The following NBEA variants were observed in gnomAD, a reference collection of about 807,000 sequenced individuals.
The protein encoded by NBEA is neurobeachin.
NBEA carries 44 observed loss-of-function variants against 343.4 expected under a neutral mutation model. That is an observed-to-expected ratio of 0.13 (90% confidence interval 0.10 to 0.16). NBEA has a LOEUF of 0.16. NBEA is among the 10% of genes least tolerant of loss of function. The pLI, the probability that NBEA is intolerant of heterozygous loss-of-function variation, is 1.00. For synonymous variants in NBEA, 1,175 were observed against 1,238.7 expected, an observed-to-expected ratio of 0.95 and a Z score of 1.08; for missense variants, 2,555 against 3,631.3, an observed-to-expected ratio of 0.70 and a Z score of 7.62.
At chr13:35,104,773 T>C (rs1301931964) in intron 11 of NBEA, among the ~76,000 whole-genome samples, 1 of 151,992 alleles carries the variant, frequency 6.6e-6, no homozygotes, top group Non-Finnish European at 1.5e-5. Flanking sequence ...AAAAAATTTT[T>C]AGGTGTTTTT....
chr13:35,145,189 C>T (rs568235698), intron 18 of NBEA, among the ~76,000 whole-genome samples: 37 of 152,320 alleles, frequency 2.4e-4, no homozygotes, highest in African/African-American at 7.9e-4. Flanking sequence ...TGCTTTGGCA[C>T]GGTTAGAGCT....
chr13:35,106,536 A>T (rs1296944830), intron 11 of NBEA, among the ~76,000 whole-genome samples: 1 of 151,948 alleles, frequency 6.6e-6, no homozygotes, highest in Non-Finnish European at 1.5e-5. Context: ...TTTTACACTA[A>T]CAATAATACA....
intron 41 of NBEA, among the ~76,000 whole-genome samples, chr13:35,522,475 C>CAAAAAAAAAAAAAAAAAAAAAAAAAA (rs138270833): frequency 2.4e-5 from 1 of 42,036 alleles, no homozygotes; most frequent in East Asian, 5.4e-4. Flanking sequence ...ATACCATCTC[C>CAAAAAAAAAAAAAAAAAAAAAAAAAA]AAAAAAAAAA....
intron 16 of NBEA, among the ~76,000 whole-genome samples, chr13:35,123,089 C>A (rs1003085287): frequency 1.4e-4 from 21 of 152,106 alleles, no homozygotes; most frequent in African/African-American, 5.1e-4. Context: ...CTCAGGAGTT[C>A]CAGACTAGCC....
chr13:35,463,352 G>A (rs777437890), intron 40 of NBEA, among the ~76,000 whole-genome samples: 8 of 152,216 alleles, frequency 5.3e-5, no homozygotes, highest in Non-Finnish European at 1.0e-4. Flanking sequence ...GCCAGGTGCG[G>A]TGGCTCATGC....
At chr13:35,491,474 A>T (rs537796735) in intron 41 of NBEA, among the ~76,000 whole-genome samples, 2 of 151,830 alleles carry the variant, frequency 1.3e-5, no homozygotes, top group Non-Finnish European at 2.9e-5. Flanking sequence ...TCCATCAGTC[A>T]TCTGTACCTC....
chr13:35,502,516 C>CT (rs1171549112), intron 41 of NBEA, among the ~76,000 whole-genome samples: 1 of 138,938 alleles, frequency 7.2e-6, no homozygotes, highest in Non-Finnish European at 1.6e-5. Flanking sequence ...TTTTTCTTTT[C>CT]TTTCTTCCAC....
rs556394642 is a variant in NBEA at position 34,997,224 on chromosome 13, A to G, written c.295-43709A>G. Among the ~76,000 whole-genome samples the G allele has an allele frequency of 1.6e-4, 24 of 152,308 alleles. No homozygotes were observed. The South Asian group carries it at 5.0e-3, about 32-fold the overall frequency. On this transcript the variant is annotated intron_variant, in intron 1 of 58. Coordinates refer to ENST00000379939, the MANE Select transcript of NBEA (RefSeq NM_001385012.1). ...TAAAAGATGATGTTTCACCTAGCTCATGTAGTTCTAGTTCTCAAGAATATG... is the reference window on the plus strand; with the variant it reads ...TAAAAGATGATGTTTCACCTAGCTCGTGTAGTTCTAGTTCTCAAGAATATG...
At chr13:35,401,286 G>A (rs1016148920) in intron 38 of NBEA, among the ~76,000 whole-genome samples, 1 of 151,924 alleles carries the variant, frequency 6.6e-6, no homozygotes, top group African/African-American at 2.4e-5. Context: ...TGAGCAAGTA[G>A]GAGGTGGCAT....
chr13:35,101,985 T>C (rs1262983236), intron 11 of NBEA, among the ~76,000 whole-genome samples: 1 of 151,820 alleles, frequency 6.6e-6, no homozygotes, highest in African/African-American at 2.4e-5. Context: ...AGCCATAAGA[T>C]TATTCTGTTT....
chr13:35,323,919 C>T (rs557181366), intron 36 of NBEA, among the ~76,000 whole-genome samples: 1 of 152,158 alleles, frequency 6.6e-6, no homozygotes, highest in South Asian at 2.1e-4. Context: ...CTTAGAGACA[C>T]ATATCATATT....
At chr13:35,605,800 T>C (rs770600351) in intron 47 of NBEA, among the ~76,000 whole-genome samples, 2 of 152,200 alleles carry the variant, frequency 1.3e-5, no homozygotes, top group Non-Finnish European at 2.9e-5. Flanking sequence ...TTGCATCCAA[T>C]TTATTGAGAA....
chr13:35,270,854 T>A (rs946689347), intron 34 of NBEA, among the ~76,000 whole-genome samples: 1 of 152,214 alleles, frequency 6.6e-6, no homozygotes, highest in Non-Finnish European at 1.5e-5. Flanking sequence ...AAGCTTGAAC[T>A]GGGCAGAGCC....
At chr13:34,949,672 C>T in intron 1 of NBEA, among the ~76,000 whole-genome samples, 1 of 152,086 alleles carries the variant, frequency 6.6e-6, no homozygotes, top group East Asian at 1.9e-4. Context: ...TAACCTTCTC[C>T]AGTCTTCTAA....
intron 49 of NBEA, among the ~76,000 whole-genome samples, chr13:35,640,884 T>G (rs565250549): frequency 6.6e-6 from 1 of 152,266 alleles, no homozygotes; most frequent in South Asian, 2.1e-4. Context: ...TTCCATGTTT[T>G]AGAACTTCCT....
At chr13:35,287,699 C>G (rs1018848683) in intron 34 of NBEA, among the ~76,000 whole-genome samples, 1 of 152,132 alleles carries the variant, frequency 6.6e-6, no homozygotes, top group South Asian at 2.1e-4. Context: ...TACAACCCTT[C>G]TCATAATCAA....
chr13:35,439,431 T>G (rs1351439626), intron 39 of NBEA, among the ~76,000 whole-genome samples: 4 of 152,154 alleles, frequency 2.6e-5, no homozygotes, highest in African/African-American at 9.7e-5. Flanking sequence ...TGCCAGGTTA[T>G]CGGGGAGTAA....
intron 41 of NBEA, among the ~76,000 whole-genome samples, chr13:35,480,307 A>C (rs2152966118): frequency 6.6e-6 from 1 of 151,888 alleles, no homozygotes; most frequent in South Asian, 2.1e-4. Flanking sequence ...TTAAAGAAAA[A>C]CCCTGTTATG....
chr13:35,583,509 G>T (rs1227723056), intron 45 of NBEA, among the ~76,000 whole-genome samples: 1 of 152,110 alleles, frequency 6.6e-6, no homozygotes, highest in African/African-American at 2.4e-5. Flanking sequence ...GTTGTCAAAT[G>T]GTCAATCTCT....
Sources: allele counts gnomAD v4.1 joint callset (sites outside exome capture counted in the v4.1 genomes callset), GRCh38; gene constraint gnomAD v4.1.1; transcripts MANE v1.5; gene names NCBI Gene and HGNC (gene_info 2026-07-23, HGNC 2026-07-21).